The following NEGR1 variants were observed in gnomAD, a reference collection of about 807,000 sequenced individuals.
NEGR1 encodes the protein neuronal growth regulator 1.
NEGR1 carries 10 observed loss-of-function variants against 40.9 expected under a neutral mutation model. That is an observed-to-expected ratio of 0.24 (90% CI 0.15 to 0.42). The LOEUF is 0.42. Ranked by LOEUF, NEGR1 falls within the 10% of genes least tolerant of loss-of-function variation. NEGR1 has a pLI of 1.00. For synonymous variants in NEGR1, 185 were observed against 166.8 expected, an observed-to-expected ratio of 1.11 and a Z score of -0.84; for missense variants, 352 against 438.9, an observed-to-expected ratio of 0.80 and a Z score of 1.77.
At chr1:71,827,261 C>T (rs1194660542) in intron 2 of NEGR1, among the ~76,000 whole-genome samples, 2 of 151,476 alleles carry the variant, frequency 1.3e-5, no homozygotes, top group Non-Finnish European at 3.0e-5. Flanking sequence ...AAATATAAAG[C>T]TTTTTACTAC....
chr1:71,637,305 T>C (rs1186120937), intron 4 of NEGR1, among the ~76,000 whole-genome samples: 3 of 152,030 alleles, frequency 2.0e-5, no homozygotes, highest in Non-Finnish European at 2.9e-5. Flanking sequence ...TTAGGGTATT[T>C]ATGGATGAAT....
chr1:71,804,191 T>C (rs895962071), intron 2 of NEGR1, among the ~76,000 whole-genome samples: 2 of 152,216 alleles, frequency 1.3e-5, no homozygotes, highest in African/African-American at 4.8e-5. Flanking sequence ...TTGCTAGGAA[T>C]ATGACAGTTA....
intron 1 of NEGR1, among the ~76,000 whole-genome samples, chr1:72,078,159 C>T (rs948370904): frequency 2.0e-5 from 3 of 152,060 alleles, no homozygotes; most frequent in African/African-American, 7.2e-5. Context: ...ATTTATTACT[C>T]CCTAAATTAA....
intron 1 of NEGR1, among the ~76,000 whole-genome samples, chr1:72,055,819 A>G (rs1238964044): frequency 6.8e-6 from 1 of 147,300 alleles, no homozygotes; most frequent in African/African-American, 2.5e-5. Flanking sequence ...TATAATCTGT[A>G]CAACTCATTT....
intron 1 of NEGR1, among the ~76,000 whole-genome samples, chr1:72,147,026 T>A (rs937541985): frequency 1.3e-5 from 2 of 152,220 alleles, no homozygotes; most frequent in Admixed American, 1.3e-4. Flanking sequence ...TGTGTCTGAC[T>A]TAGCCCATCT....
intron 4 of NEGR1, among the ~76,000 whole-genome samples, chr1:71,672,964 G>A (rs758220784): frequency 2.0e-5 from 3 of 152,084 alleles, no homozygotes; most frequent in Non-Finnish European, 4.4e-5. Context: ...GGCCGGGTGC[G>A]GTGGCTCATG....
At chr1:72,271,643 C>T (rs560500137) in intron 1 of NEGR1, among the ~76,000 whole-genome samples, 2 of 151,948 alleles carry the variant, frequency 1.3e-5, no homozygotes, top group South Asian at 4.1e-4. Context: ...TTTCAAACTT[C>T]AATACGTACA....
chr1:71,846,755 T>C (rs1659427989), intron 2 of NEGR1, among the ~76,000 whole-genome samples: 1 of 152,126 alleles, frequency 6.6e-6, no homozygotes, highest in South Asian at 2.1e-4. Flanking sequence ...GCCTGTTCCT[T>C]ATAGGCAGTG....
At chr1:71,715,673 C>T (rs116157453) in intron 3 of NEGR1, among the ~76,000 whole-genome samples, 208 of 152,260 alleles carry the variant, frequency 1.4e-3, no homozygotes, top group African/African-American at 4.8e-3. Context: ...GGGAAAATGT[C>T]ACCAGTCTCT....
chr1:71,995,347 A>G (rs1646495375), intron 1 of NEGR1, among the ~76,000 whole-genome samples: 4 of 152,162 alleles, frequency 2.6e-5, no homozygotes, highest in African/African-American at 9.7e-5. Flanking sequence ...GGAGGTATGA[A>G]AAAACGGTTC....
At chr1:71,945,906 T>G (rs1646013777) in intron 1 of NEGR1, among the ~76,000 whole-genome samples, 1 of 152,214 alleles carries the variant, frequency 6.6e-6, no homozygotes, top group Non-Finnish European at 1.5e-5. Flanking sequence ...TGTAAACATT[T>G]TATAATTATT....
chr1:72,255,547 C>T lies in NEGR1; in HGVS notation c.176+26772G>A, dbSNP rs184894111. ...CTACTATGGTTTATCAAAAATACTT[C>T]TTTTTTTTTTTTTTTTTTTGAGATG... is the stretch of plus-strand genomic sequence containing the variant. On this transcript the variant is annotated intron_variant, in intron 1 of 6. Transcript: ENST00000357731. 4.4e-4 allele frequency among the ~76,000 whole-genome samples: 55 copies of T among 125,332 alleles called. 1 individual carries two copies. Among genetic ancestry groups the T allele is most frequent in the Admixed American group, 9.4e-4 (11 of 11,690 alleles). 82.2% of individuals were successfully genotyped at this position (125,332 alleles called of 152,430 possible). A position where few individuals can be genotyped will look rare whatever the true frequency, so the allele number is the denominator to read the frequency against.
At chr1:71,924,767 C>T (rs1374836676) in intron 2 of NEGR1, among the ~76,000 whole-genome samples, 1 of 152,002 alleles carries the variant, frequency 6.6e-6, no homozygotes, top group Non-Finnish European at 1.5e-5. Context: ...TTATTTGTTA[C>T]TTTTTACTAC....
At chr1:72,228,609 G>C (rs549854779) in intron 1 of NEGR1, among the ~76,000 whole-genome samples, 1 of 152,194 alleles carries the variant, frequency 6.6e-6, no homozygotes, top group South Asian at 2.1e-4. Flanking sequence ...TTGGCACAAA[G>C]AATGGTAGCT....
chr1:72,266,554 C>T (rs1041556191), intron 1 of NEGR1, among the ~76,000 whole-genome samples: 28 of 150,798 alleles, frequency 1.9e-4, no homozygotes, highest in Admixed American at 4.0e-4. Context: ...AACTAAAATA[C>T]AAGAAAGGAA....
intron 1 of NEGR1, among the ~76,000 whole-genome samples, chr1:72,151,108 A>T (rs534897299): frequency 6.6e-5 from 10 of 152,050 alleles, no homozygotes; most frequent in African/African-American, 2.4e-4. Flanking sequence ...TTCGAGGAGG[A>T]ATTTCTTACA....
intron 5 of NEGR1, among the ~76,000 whole-genome samples, chr1:71,596,119 T>C (rs1398828030): frequency 6.6e-6 from 1 of 151,616 alleles, no homozygotes; most frequent in African/African-American, 2.4e-5. Context: ...TTCTTCAGCA[T>C]AGATCAGTAC....
chr1:72,142,535 A>AT (rs1216997677), intron 1 of NEGR1, among the ~76,000 whole-genome samples: 1 of 149,268 alleles, frequency 6.7e-6, no homozygotes, highest in Non-Finnish European at 1.5e-5. Context: ...TGATAGATAG[A>AT]TAGATAGATA....
At chr1:72,078,646 T>TTA (rs1486135367) in intron 1 of NEGR1, among the ~76,000 whole-genome samples, 1 of 134,452 alleles carries the variant, frequency 7.4e-6, no homozygotes, top group African/African-American at 2.8e-5. Context: ...TATTTATTTA[T>TTA]TTTTTTTTTT....
Sources: allele counts gnomAD v4.1 joint callset (sites outside exome capture counted in the v4.1 genomes callset), GRCh38; gene constraint gnomAD v4.1.1; transcripts MANE v1.5; gene names NCBI Gene and HGNC (gene_info 2026-07-23, HGNC 2026-07-21).